The following PPP2R2B variants were observed in gnomAD, a reference collection of about 807,000 sequenced individuals.
The protein encoded by PPP2R2B is serine/threonine-protein phosphatase 2A 55 kDa regulatory subunit B beta isoform.
Under a neutral mutation model 46.0 loss-of-function variants are expected in PPP2R2B, and 5 were observed. The observed-to-expected ratio is 0.11, with a 90% CI of 0.06 to 0.23. The LOEUF (loss-of-function observed/expected upper bound fraction) is 0.23. PPP2R2B is among the 10% of genes least tolerant of loss of function. The pLI is 1.00. For missense variants in PPP2R2B, 367 were observed against 575.0 expected (o/e 0.64, Z 3.70); for synonymous variants, 215 against 206.7 (o/e 1.04, Z -0.34).
At chr5:146,827,779 T>C (rs543310606) in intron 2 of PPP2R2B, among the ~76,000 whole-genome samples, 5 of 152,164 alleles carry the variant, frequency 3.3e-5, no homozygotes, top group Non-Finnish European at 7.3e-5. Flanking sequence ...GTAGAAGAGA[T>C]GACACAAGCA....
At chr5:146,963,627 G>T (rs781373070) in intron 1 of PPP2R2B, among the ~76,000 whole-genome samples, 2 of 152,038 alleles carry the variant, frequency 1.3e-5, no homozygotes, top group African/African-American at 4.8e-5. Flanking sequence ...TCAATTTCCT[G>T]TCTTCATTTT....
intron 1 of PPP2R2B, among the ~76,000 whole-genome samples, chr5:146,974,691 A>ATT (rs543744922): frequency 0.038 from 5,377 of 142,362 alleles, 284 homozygotes; most frequent in East Asian, 0.14. Context: ...AATAAAAGGA[A>ATT]TTTTTTTTTT....
At chr5:146,599,067 G>T (rs1295259706) in intron 8 of PPP2R2B, among the ~76,000 whole-genome samples, 3 of 151,892 alleles carry the variant, frequency 2.0e-5, no homozygotes, top group South Asian at 2.1e-4. Flanking sequence ...CTTAAAATAG[G>T]GTTAGTTTAT....
chr5:146,751,105 G>A (rs1753529600), intron 2 of PPP2R2B: 1 of 152,226 alleles, frequency 6.6e-6, no homozygotes, highest in African/African-American at 2.4e-5. Flanking sequence ...CAAGCTGTAA[G>A]CACATTAGGA....
At chr5:147,056,467 A>G (rs1757086829), upstream of PPP2R2B, among the ~76,000 whole-genome samples, 1 of 152,208 alleles carries the variant, frequency 6.6e-6, no homozygotes, top group Non-Finnish European at 1.5e-5. Flanking sequence ...TTCCCCTGCC[A>G]GCCTTAACAG....
At chr5:146,592,057 AAAT>A in intron 9 of PPP2R2B, 1 of 416,516 alleles carries the variant, frequency 2.4e-6, no homozygotes, top group South Asian at 1.8e-5. Flanking sequence ...ACCTATAAAT[AAAT>A]AATAAAATGA....
At chr5:146,921,183 C>T (rs1292713711) in intron 1 of PPP2R2B, among the ~76,000 whole-genome samples, 1 of 152,014 alleles carries the variant, frequency 6.6e-6, no homozygotes, top group Non-Finnish European at 1.5e-5. Context: ...TTTGAAAAAC[C>T]CCATAAAGTG....
chr5:146,960,031 A>C (rs2151841139), intron 1 of PPP2R2B, among the ~76,000 whole-genome samples: 1 of 152,262 alleles, frequency 6.6e-6, no homozygotes, highest in Non-Finnish European at 1.5e-5. Flanking sequence ...TTGATTGCAA[A>C]ATTGTAAACC....
intron 6 of PPP2R2B, among the ~76,000 whole-genome samples, chr5:146,641,524 TTTTTTG>T (rs1334921635): frequency 4.9e-5 from 4 of 81,468 alleles, no homozygotes; most frequent in East Asian, 3.7e-4. Context: ...TTTTTTTTTT[TTTTTTG>T]AAGCAGAATT....
At chr5:146,603,572 G>T (rs1231437809) in intron 7 of PPP2R2B, among the ~76,000 whole-genome samples, 1 of 152,180 alleles carries the variant, frequency 6.6e-6, no homozygotes, top group African/African-American at 2.4e-5. Flanking sequence ...GCAAGGTACA[G>T]ATAACATACC....
At chr5:146,653,435 C>T (rs1776110589) in intron 5 of PPP2R2B, among the ~76,000 whole-genome samples, 1 of 152,082 alleles carries the variant, frequency 6.6e-6, no homozygotes, top group Non-Finnish European at 1.5e-5. Context: ...GAAATGTGTG[C>T]CATGCTTTTA....
chr5:146,653,661 G>A (rs1776135512), intron 5 of PPP2R2B, among the ~76,000 whole-genome samples: 2 of 152,154 alleles, frequency 1.3e-5, no homozygotes, highest in Admixed American at 1.3e-4. Flanking sequence ...CGACATGGGA[G>A]GGAGCATGCA....
chr5:147,004,501 A>G (rs1754336317), intron 1 of PPP2R2B, among the ~76,000 whole-genome samples: 1 of 152,106 alleles, frequency 6.6e-6, no homozygotes, highest in Non-Finnish European at 1.5e-5. Context: ...GTCCATTACC[A>G]TCCGAGGAAT....
At chr5:146,891,738 T>A (rs1278203129) in intron 1 of PPP2R2B, among the ~76,000 whole-genome samples, 1 of 152,182 alleles carries the variant, frequency 6.6e-6, no homozygotes, top group Admixed American at 6.5e-5. Context: ...AATGTAAAAA[T>A]GTAGAGGCAT....
chr5:147,013,111 T>C (rs2151879406), intron 1 of PPP2R2B, among the ~76,000 whole-genome samples: 1 of 148,842 alleles, frequency 6.7e-6, no homozygotes, highest in East Asian at 2.0e-4. Context: ...GAGAGCCAAA[T>C]CAGGAGTGAA....
intron 1 of PPP2R2B, among the ~76,000 whole-genome samples, chr5:146,970,464 C>G (rs915583741): frequency 1.3e-5 from 2 of 151,948 alleles, no homozygotes; most frequent in East Asian, 3.9e-4. Flanking sequence ...TGCGTGGTGG[C>G]GGGCTTCTGT....
intron 2 of PPP2R2B, among the ~76,000 whole-genome samples, chr5:146,803,787 T>C (rs1332013082): frequency 6.6e-6 from 1 of 152,216 alleles, no homozygotes; most frequent in Non-Finnish European, 1.5e-5. Flanking sequence ...TTTGCATCTC[T>C]AGACCTTGGT....
chr5:146,737,664 CTTA>C (rs1423253199), intron 2 of PPP2R2B, among the ~76,000 whole-genome samples: 2 of 152,060 alleles, frequency 1.3e-5, no homozygotes, highest in African/African-American at 4.8e-5. Context: ...ATAAACAATG[CTTA>C]TTTAGTATAT....
intron 2 of PPP2R2B, among the ~76,000 whole-genome samples, chr5:146,819,324 T>C (rs1489826243): frequency 1.3e-5 from 2 of 152,212 alleles, no homozygotes; most frequent in Non-Finnish European, 1.5e-5. Context: ...GAAAAGATTC[T>C]CTGCAAAATA....
Sources: allele counts gnomAD v4.1 joint callset (sites outside exome capture counted in the v4.1 genomes callset), GRCh38; gene constraint gnomAD v4.1.1; transcripts MANE v1.5; gene names NCBI Gene and HGNC (gene_info 2026-07-23, HGNC 2026-07-21).